Variants in TTC39B observed in about 807,000 individuals in gnomAD.
TTC39B encodes the protein tetratricopeptide repeat protein 39B.
A neutral mutation model predicts 96.6 loss-of-function variants in TTC39B; 92 were observed. That is an observed-to-expected ratio of 0.95 (90% CI 0.80 to 1.13). The LOEUF (loss-of-function observed/expected upper bound fraction) is 1.13, where lower values mean the gene tolerates loss of function less well. Among genes scored for constraint, TTC39B ranks in the 50% most tolerant of loss-of-function variants. TTC39B has a pLI of 0.00. For synonymous variants in TTC39B, 367 were observed against 299.4 expected (o/e 1.23, Z -2.33); for missense variants, 955 against 809.3 (o/e 1.18, Z -2.18).
intron 2 of TTC39B, among the ~76,000 whole-genome samples, chr9:15,245,817 G>A (rs1330358854): frequency 1.3e-5 from 2 of 152,088 alleles, no homozygotes; most frequent in African/African-American, 2.4e-5. Flanking sequence ...GTAGACTGAC[G>A]AAACATCAAA....
chr9:15,298,605 C>A (rs986458924), intron 1 of TTC39B, among the ~76,000 whole-genome samples: 1 of 152,118 alleles, frequency 6.6e-6, no homozygotes, highest in African/African-American at 2.4e-5. Flanking sequence ...GGAAAACCCA[C>A]CCCCATGATT....
intron 2 of TTC39B, among the ~76,000 whole-genome samples, chr9:15,237,013 A>C (rs78334138): frequency 6.6e-6 from 1 of 151,384 alleles, no homozygotes; most frequent in African/African-American, 2.4e-5. Context: ...AAAAAAAAAA[A>C]GGCAAGGACT....
chr9:15,293,694 T>C (rs1824272115), intron 1 of TTC39B, among the ~76,000 whole-genome samples: 1 of 152,228 alleles, frequency 6.6e-6, no homozygotes, highest in African/African-American at 2.4e-5. Flanking sequence ...AGGCCTTACA[T>C]GTGTTAAATC....
chr9:15,200,739 G>A (rs1586857131), intron 7 of TTC39B, among the ~76,000 whole-genome samples: 1 of 152,196 alleles, frequency 6.6e-6, no homozygotes, highest in East Asian at 1.9e-4. Context: ...GGTGGCTCAC[G>A]CCTATAATCC....
At chr9:15,298,101 C>T (rs1446116497) in intron 1 of TTC39B, among the ~76,000 whole-genome samples, 1 of 152,148 alleles carries the variant, frequency 6.6e-6, no homozygotes, top group Non-Finnish European at 1.5e-5. Context: ...TTTGCTTTTT[C>T]CCTCTTCTGG....
chr9:15,217,561 C>A (rs1055406331), intron 3 of TTC39B, among the ~76,000 whole-genome samples: 13 of 152,198 alleles, frequency 8.5e-5, no homozygotes, highest in African/African-American at 3.1e-4. Context: ...AGGAGAGCAA[C>A]TTTCACCATG....
chr9:15,306,341 C>G lies in TTC39B; in HGVS notation c.240+743G>C, dbSNP rs929583648. Among the ~76,000 whole-genome samples, 4 of 152,212 alleles carry G rather than the reference C, an allele frequency of 2.6e-5. No homozygotes were observed. The highest frequency in any genetic ancestry group is 9.7e-5 in the African/African-American group (4 of 41,450). On this transcript the variant is annotated intron_variant, in intron 1 of 19. Coordinates refer to ENST00000512701, the Ensembl canonical transcript of TTC39B. This position sits in a 1 kb window ranked among gnomAD's most constrained non-coding sequence, Gnocchi z 5.1. ...GCCCCTGGGTGCTCAGGCCCGGGCG[C>G]GCCACGACTGAAGGAGTGGCTAATT...
At chr9:15,166,996 A>T (rs1209587448) in exon 20 of TTC39B, 24 of 4,520 alleles carry the variant, frequency 5.3e-3, no homozygotes, top group African/African-American at 0.025. Context: ...ATATATATAT[A>T]TATATATATA....
At chr9:15,167,687 G>C (rs913288747) in exon 20 of TTC39B, 2 of 152,294 alleles carry the variant, frequency 1.3e-5, no homozygotes, top group African/African-American at 2.4e-5. Flanking sequence ...GGGAGGCAGA[G>C]GTTGCAGTGA....
intron 2 of TTC39B, among the ~76,000 whole-genome samples, chr9:15,263,645 G>A (rs1177426263): frequency 6.6e-6 from 1 of 152,124 alleles, no homozygotes; most frequent in Admixed American, 6.5e-5. Flanking sequence ...GCAAAAGTAC[G>A]CACAAGACCA....
intron 3 of TTC39B, 67 bp from the exon 4 acceptor site, chr9:15,214,316 G>GTGTGTGTGTGTC (rs2131361386): frequency 4.6e-6 from 1 of 219,514 alleles, no homozygotes; most frequent in Admixed American, 5.8e-5. Context: ...TCCGAAGGGA[G>GTGTGTGTGTGTC]TGTGTGTGTG....
intron 1 of TTC39B, among the ~76,000 whole-genome samples, chr9:15,289,215 C>G (rs1490591002): frequency 1.3e-5 from 2 of 152,114 alleles, no homozygotes; most frequent in Non-Finnish European, 2.9e-5. Context: ...AAAAACAAAA[C>G]CTTTCCTCCC....
At chr9:15,242,289 C>T (rs1245770398) in intron 2 of TTC39B, among the ~76,000 whole-genome samples, 3 of 152,104 alleles carry the variant, frequency 2.0e-5, no homozygotes, top group South Asian at 2.1e-4. Flanking sequence ...ATATCAACAA[C>T]GGGAAATGCA....
exon 13 of TTC39B, chr9:15,189,586 C>T (rs61755265): frequency 7.7e-5 from 124 of 1,614,024 alleles, no homozygotes; most frequent in Non-Finnish European, 9.7e-5. Context: ...CTTCAAGATT[C>T]CCTTTCAGCA....
At chr9:15,189,989 A>C (rs967997489) in intron 11 of TTC39B, among the ~76,000 whole-genome samples, 197 bp from the exon 12 acceptor site, 19 of 152,366 alleles carry the variant, frequency 1.2e-4, no homozygotes, top group African/African-American at 4.3e-4. Context: ...GCTCTAGGAC[A>C]CACTAATTCT....
chr9:15,304,248 G>T (rs1824686586), intron 1 of TTC39B, among the ~76,000 whole-genome samples: 1 of 152,278 alleles, frequency 6.6e-6, no homozygotes, highest in East Asian at 1.9e-4. Context: ...TTGTTGGATT[G>T]ACCTTGAATA....
chr9:15,236,710 C>T (rs2037389577), intron 2 of TTC39B, among the ~76,000 whole-genome samples: 1 of 152,136 alleles, frequency 6.6e-6, no homozygotes, highest in South Asian at 2.1e-4. Context: ...AAACAACTTG[C>T]TCCTGAACAA....
exon 20 of TTC39B, chr9:15,169,060 A>G (rs1169397238): frequency 6.6e-6 from 1 of 152,226 alleles, no homozygotes; most frequent in Non-Finnish European, 1.5e-5. Context: ...CAGAAATGAC[A>G]GTCACATTAG....
At chr9:15,267,797 T>A (rs557466676) in intron 2 of TTC39B, 117 bp downstream of exon 2, 31 of 814,272 alleles carry the variant, frequency 3.8e-5, no homozygotes, top group African/African-American at 3.3e-4. Flanking sequence ...TGACTTTTTT[T>A]TTCTGAAAAT....
Sources: allele counts gnomAD v4.1 joint callset (sites outside exome capture counted in the v4.1 genomes callset), GRCh38; gene constraint gnomAD v4.1.1; non-coding constraint Gnocchi (gnomAD v3.1); transcripts MANE v1.5; gene names NCBI Gene and HGNC (gene_info 2026-07-23, HGNC 2026-07-21).